The following MCF2L variants were observed in gnomAD, a reference collection of about 807,000 sequenced individuals.
The protein encoded by MCF2L is MCF.2 cell line derived transforming sequence like.
Under a neutral mutation model 153.4 loss-of-function variants are expected in MCF2L, and 97 were observed. The ratio of observed to expected loss-of-function variants is 0.63; its 90% confidence interval spans 0.54 to 0.75. MCF2L has a LOEUF of 0.75. Ranked by LOEUF, MCF2L falls within the 30% of genes least tolerant of loss-of-function variation. The probability of loss-of-function intolerance (pLI) is 0.00; values close to 1 mark genes in which losing one functional copy is unlikely to be tolerated. For synonymous variants in MCF2L, 659 were observed against 632.2 expected, an observed-to-expected ratio of 1.04 and a Z score of -0.64; for missense variants, 1,347 against 1,495.2, an observed-to-expected ratio of 0.90 and a Z score of 1.64.
At chr13:113,036,808 C>T (rs1325913615) in intron 3 of MCF2L, among the ~76,000 whole-genome samples, 1 of 152,244 alleles carries the variant, frequency 6.6e-6, no homozygotes, top group Non-Finnish European at 1.5e-5. Flanking sequence ...TCTCAGAGGA[C>T]TCCAAGCCTC....
chr13:113,063,968 C>T (rs929492811), intron 5 of MCF2L: 3 of 408,874 alleles, frequency 7.3e-6, no homozygotes, highest in African/African-American at 6.1e-5. Context: ...CCCGTGAGGT[C>T]GGTCTTGCTC....
chr13:113,066,293 A>C (rs1594910467), intron 8 of MCF2L, 123 bp downstream of exon 8: 7 of 1,189,290 alleles, frequency 5.9e-6, no homozygotes, highest in Admixed American at 3.1e-5. Flanking sequence ...AGGCAACCCC[A>C]CTCCTGGCCA....
chr13:112,953,647 G>A (rs1305988270), intron 2 of MCF2L, among the ~76,000 whole-genome samples: 1 of 152,226 alleles, frequency 6.6e-6, no homozygotes, highest in East Asian at 1.9e-4. Context: ...GCCTGGGCAG[G>A]AGACCAGCTC....
At chr13:112,976,392 C>T (rs766795105) in intron 1 of MCF2L, among the ~76,000 whole-genome samples, 4 of 152,120 alleles carry the variant, frequency 2.6e-5, no homozygotes, top group Non-Finnish European at 4.4e-5. Flanking sequence ...AGCTAATGCC[C>T]CAAACAAGAC....
At chr13:113,056,093 C>T (rs2087748882) in intron 4 of MCF2L, among the ~76,000 whole-genome samples, 1 of 152,216 alleles carries the variant, frequency 6.6e-6, no homozygotes, top group Non-Finnish European at 1.5e-5. Context: ...TGGGAGGGGT[C>T]CTGTGGGAAA....
chr13:113,094,426 T>G, intron 26 of MCF2L, 88 bp from the exon 27 acceptor site: 1 of 1,396,276 alleles, frequency 7.2e-7, no homozygotes, highest in Non-Finnish European at 9.6e-7. Context: ...TTTCAGGGGG[T>G]CTGTGGGACT....
chr13:112,936,690 C>A (rs1405485605), intron 2 of MCF2L, among the ~76,000 whole-genome samples: 1 of 152,142 alleles, frequency 6.6e-6, no homozygotes, highest in African/African-American at 2.4e-5. Flanking sequence ...ATTTATAATT[C>A]AGATTATATT....
intron 1 of MCF2L, among the ~76,000 whole-genome samples, chr13:112,900,807 C>A (rs1397877865): frequency 6.6e-6 from 1 of 152,088 alleles, no homozygotes; most frequent in Non-Finnish European, 1.5e-5. Flanking sequence ...TCGGGACGGG[C>A]CTGCTCTCCA....
At chr13:112,998,636 C>A (rs573816199) in intron 1 of MCF2L, among the ~76,000 whole-genome samples, 1 of 152,208 alleles carries the variant, frequency 6.6e-6, no homozygotes, top group African/African-American at 2.4e-5. Flanking sequence ...TGTCTGGCAT[C>A]GACTTGGCCT....
chr13:113,014,645 G>A (rs552653342), intron 1 of MCF2L, 118 bp from the exon 2 acceptor site: 5 of 733,000 alleles, frequency 6.8e-6, no homozygotes, highest in Admixed American at 2.4e-5. Context: ...TTCCAGCCAC[G>A]TGACGCCACT....
rs562539166 is a variant in MCF2L, at chr13:113,049,117, G to A, written c.369+3756G>A. Among the ~76,000 whole-genome samples the A allele has an allele frequency of 5.3e-5, 8 of 152,368 alleles. No homozygotes were observed. In the East Asian group the frequency reaches 7.7e-4, roughly 15 times the overall value. ...GCAGGAGATGATGATGGTGGACATT[G>A]GATGGGCCAGGAGACATGGAGCTCA... On this transcript the variant is annotated intron_variant, in intron 4 of 29. Transcript: ENST00000535094.
intron 26 of MCF2L, chr13:113,090,871 A>G (rs1269046947): frequency 1.0e-5 from 12 of 1,159,868 alleles, no homozygotes; most frequent in African/African-American, 1.6e-5. Context: ...AAACGTCCCT[A>G]GAGACGGGCC....
intron 2 of MCF2L, among the ~76,000 whole-genome samples, chr13:112,908,130 T>C (rs1222305995): frequency 2.6e-5 from 4 of 152,190 alleles, no homozygotes; most frequent in Non-Finnish European, 5.9e-5. Context: ...TACTGGTTAA[T>C]GTTGGAAGCA....
At chr13:112,929,620 G>A (rs747394856) in intron 2 of MCF2L, among the ~76,000 whole-genome samples, 1 of 152,208 alleles carries the variant, frequency 6.6e-6, no homozygotes, top group African/African-American at 2.4e-5. Context: ...TCCACAGCAG[G>A]TGTCAGAATC....
chr13:112,916,495 C>T (rs1404380960), intron 2 of MCF2L, among the ~76,000 whole-genome samples: 3 of 152,170 alleles, frequency 2.0e-5, no homozygotes, highest in Admixed American at 6.5e-5. Flanking sequence ...TCTCGCGTGC[C>T]TCACCTGTGA....
chr13:113,014,374 G>C (rs1038618622), intron 1 of MCF2L, among the ~76,000 whole-genome samples: 1 of 152,160 alleles, frequency 6.6e-6, no homozygotes, highest in African/African-American at 2.4e-5. Context: ...GGCAGGGGTC[G>C]CCTGAACATT....
Position 113,046,668 on chromosome 13 carries a change from G to C in MCF2L, c.369+1307G>C. 3.8e-6 allele frequency: 2 copies of C among 532,676 alleles called. No individual in the cohort carries two copies. The highest frequency in any genetic ancestry group is 1.4e-5 in the South Asian group (1 of 71,490). The allele number at this position is 532,676 out of a possible 1,614,324, so 33.0% of individuals were successfully genotyped here. A position where few individuals can be genotyped will look rare whatever the true frequency, so the allele number is the denominator to read the frequency against. ...TTTGGTGCAAGCCTGTCCCTGAGCC[G>C]CTGGTTCTCATCGAAGTCTTTAGGA... is the stretch of plus-strand genomic sequence containing the variant. On this transcript the variant is annotated intron_variant, in intron 4 of 29. Coordinates refer to ENST00000535094, the MANE Select transcript of MCF2L (RefSeq NM_001112732.3). This position sits in a 1 kb window ranked among gnomAD's most constrained non-coding sequence, Gnocchi z 4.4.
chr13:113,056,853 TGTTTCGGC>T, intron 4 of MCF2L, among the ~76,000 whole-genome samples: 1 of 142,554 alleles, frequency 7.0e-6, no homozygotes. Flanking sequence ...GGGTGCTGAG[TGTTTCGGC>T]GCTGAGTGGG....
intron 2 of MCF2L, among the ~76,000 whole-genome samples, chr13:112,949,381 CTCATGAAGCCAGTATT>C (rs2081668307): frequency 6.6e-6 from 1 of 152,180 alleles, no homozygotes; most frequent in Non-Finnish European, 1.5e-5. Context: ...TCTCAGTCAT[CTCATGAAGCCAGTATT>C]ACATTGATAC....
Sources: allele counts gnomAD v4.1 joint callset (sites outside exome capture counted in the v4.1 genomes callset), GRCh38; gene constraint gnomAD v4.1.1; non-coding constraint Gnocchi (gnomAD v3.1); transcripts MANE v1.5; gene names NCBI Gene and HGNC (gene_info 2026-07-23, HGNC 2026-07-21).